The following MTA3 variants were observed in gnomAD, a reference collection of about 807,000 sequenced individuals.
MTA3 encodes metastasis-associated protein MTA3.
A neutral mutation model predicts 83.5 loss-of-function variants in MTA3; 34 were observed. The ratio of observed to expected loss-of-function variants is 0.41; its 90% CI spans 0.31 to 0.54. MTA3 has a LOEUF of 0.54. Among genes scored for constraint, MTA3 ranks in the 20% least tolerant of loss-of-function variants. The pLI is 0.33. For missense variants in MTA3, 761 were observed against 726.4 expected, an observed-to-expected ratio of 1.05 and a Z score of -0.55; for synonymous variants, 303 against 252.7, an observed-to-expected ratio of 1.20 and a Z score of -1.89.
intron 4 of MTA3, among the ~76,000 whole-genome samples, chr2:42,620,033 T>G (rs546551554): frequency 6.6e-5 from 10 of 152,290 alleles, no homozygotes; most frequent in African/African-American, 1.9e-4. Context: ...TAACATCAGA[T>G]TAACCATTAA....
intron 6 of MTA3, among the ~76,000 whole-genome samples, chr2:42,649,617 G>A (rs950770152): frequency 2.6e-5 from 4 of 152,224 alleles, no homozygotes; most frequent in Non-Finnish European, 5.9e-5. Context: ...TGTTCTCACA[G>A]ATAAGGAGAG....
chr2:42,691,218 G>T (rs1558586838), intron 9 of MTA3, among the ~76,000 whole-genome samples: 1 of 151,926 alleles, frequency 6.6e-6, no homozygotes, highest in South Asian at 2.1e-4. Context: ...CACCATGTTG[G>T]CCAGGATGGG....
chr2:42,753,037 C>G (rs894896570), intron 16 of MTA3, among the ~76,000 whole-genome samples: 1 of 152,086 alleles, frequency 6.6e-6, no homozygotes, highest in Non-Finnish European at 1.5e-5. Flanking sequence ...CAGTCCTCCC[C>G]CCTCAGCCTC....
upstream of MTA3, among the ~76,000 whole-genome samples, chr2:42,567,433 C>T (rs1027403491): frequency 1.6e-4 from 24 of 152,172 alleles, no homozygotes; most frequent in African/African-American, 5.3e-4. Context: ...ACCTTCTTTT[C>T]TGGGGGCACC....
chr2:42,576,069 A>G (rs1678999297), intron 2 of MTA3, among the ~76,000 whole-genome samples: 1 of 152,204 alleles, frequency 6.6e-6, no homozygotes, highest in Non-Finnish European at 1.5e-5. Context: ...TAGATAATTC[A>G]TTAAGCAAAT....
At chr2:42,644,318 A>ATATTT in intron 6 of MTA3, 74 bp downstream of exon 6, 3 of 940,910 alleles carry the variant, frequency 3.2e-6, no homozygotes, top group Non-Finnish European at 4.9e-6. Context: ...GTCCTCATGT[A>ATATTT]GAAGAGGCAA....
intron 3 of MTA3, among the ~76,000 whole-genome samples, chr2:42,594,761 C>G (rs1410705390): frequency 7.8e-4 from 29 of 37,270 alleles, no homozygotes; most frequent in African/African-American, 4.0e-3. Context: ...GAGTCTCACT[C>G]TGTTGCCCAG....
rs147029454 is a variant in MTA3 at position 42,552,249 on chromosome 2, G to A, written c.-140-18188G>A. Among the ~76,000 whole-genome samples, 165 of 152,328 alleles carry A rather than the reference G, an allele frequency of 1.1e-3. 1 individual carries two copies. Among genetic ancestry groups the A allele is most frequent in the African/African-American group, 3.8e-3 (160 of 41,586 alleles). ...ATCAGACCAGTGTGGCTGAGCAGCAGTGAGCTGGTAAAGAGATAAAGGCCA... is the reference window on the plus strand; with the variant it reads ...ATCAGACCAGTGTGGCTGAGCAGCAATGAGCTGGTAAAGAGATAAAGGCCA... On this transcript the variant is annotated intron_variant, in intron 2 of 17. Coordinates refer to the MTA3 transcript ENST00000405592.
In MTA3 at chr2:42,756,349, C is replaced by A; in HGVS notation, c.*2950C>A. ...CCTCCTCTTGGCCTCCAGAGTCCTG[C>A]AGGTGCCTCACAGTAGTGAAACCCA... On this transcript the variant is annotated 3_prime_UTR_variant, in exon 17 of 17. Transcript: ENST00000405094. The A allele has an allele frequency of 1.8e-6, 1 of 546,506 alleles. No individual in the cohort carries two copies. The highest frequency in any genetic ancestry group is 2.3e-6 in the Non-Finnish European group (1 of 428,542). 33.9% of individuals were successfully genotyped at this position (546,506 alleles called of 1,614,324 possible). A position where few individuals can be genotyped will look rare whatever the true frequency, so the allele number is the denominator to read the frequency against.
intron 4 of MTA3, among the ~76,000 whole-genome samples, chr2:42,626,410 G>T (rs931416871): frequency 6.6e-6 from 1 of 151,524 alleles, no homozygotes; most frequent in Non-Finnish European, 1.5e-5. Context: ...CGATTCTCCT[G>T]CCTCCGCCTC....
At chr2:42,525,655 C>CTTCT (rs1212325430) in intron 2 of MTA3, among the ~76,000 whole-genome samples, 17 of 94,126 alleles carry the variant, frequency 1.8e-4, no homozygotes, top group African/African-American at 5.6e-4. Flanking sequence ...TCTTTTTTTC[C>CTTCT]TTCTTTCTTT....
Position 42,695,900 on chromosome 2 carries a change from TTA to T in MTA3, c.966+62_966+63del, listed in dbSNP as rs1375078733. On this transcript the variant is annotated intron_variant, in intron 10 of 16. Transcript: ENST00000405094. ...TTTAAGTGAACTTTCTGTTTATATT[TTA>T]ATATTTTTTGGCGATGTACTACTTT... 17 of 1,169,524 alleles carry T rather than the reference TTA, an allele frequency of 1.5e-5. No homozygotes were observed. In the African/African-American group the frequency reaches 2.2e-4, roughly 15 times the overall value. The allele number at this position is 1,169,524 out of a possible 1,614,324, so 72.4% of individuals were successfully genotyped here. A position where few individuals can be genotyped will look rare whatever the true frequency, so the allele number is the denominator to read the frequency against.
rs1558430323 is a variant in MTA3 at position 42,551,072 on chromosome 2, TAAATA to T, written c.-140-19362_-140-19358del. ...CTAAATAAATAAATAAATAAATAAA[TAAATA>T]AATAAATAAATTAAAATTTATGATA... is the stretch of plus-strand genomic sequence containing the variant. On this transcript the variant is annotated intron_variant, in intron 2 of 17. Coordinates refer to the MTA3 transcript ENST00000405592. Among the ~76,000 whole-genome samples the T allele has an allele frequency of 4.4e-3, 660 of 148,808 alleles. 5 individuals are homozygous for T. Among genetic ancestry groups the T allele is most frequent in the African/African-American group, 0.016 (629 of 38,976 alleles).
At chr2:42,620,238 C>T (rs1311840143) in intron 4 of MTA3, among the ~76,000 whole-genome samples, 1 of 151,924 alleles carries the variant, frequency 6.6e-6, no homozygotes, top group Admixed American at 6.6e-5. Context: ...CCTGCCTCAG[C>T]CTCCCGAGTA....
In MTA3 at chr2:42,724,275, AAAACACACACACACAC is replaced by A. The variant is rs1458699045; in HGVS notation, c.1759+1242_1759+1257del. On this transcript the variant is annotated intron_variant, in intron 16 of 16. Transcript: ENST00000405094. ...GTAGAAGGTATAAAGTAAGTCCTGA[AAAACACACACACACAC>A]ACACACACACACACACACACACACA... 2.5e-3 allele frequency among the ~76,000 whole-genome samples: 203 copies of A among 82,228 alleles called. 2 individuals carry two copies. Among genetic ancestry groups the A allele is most frequent in the African/African-American group, 6.4e-3 (150 of 23,598 alleles). The allele number at this position is 82,228 out of a possible 152,430, so 53.9% of individuals were successfully genotyped here.
intron 3 of MTA3, among the ~76,000 whole-genome samples, chr2:42,592,988 T>TA (rs1681218837): frequency 6.7e-6 from 1 of 150,004 alleles, no homozygotes; most frequent in African/African-American, 2.5e-5. Flanking sequence ...CTGTCTCTAC[T>TA]AAAAAATAAC....
At chr2:42,568,520 A>T, upstream of MTA3, 1 of 123,758 alleles carries the variant, frequency 8.1e-6, no homozygotes, top group Non-Finnish European at 1.6e-5. Context: ...GGCCCGGCCC[A>T]CTCGGCCTTG....
At chr2:42,545,761 A>G (rs1399081376) in intron 2 of MTA3, among the ~76,000 whole-genome samples, 1 of 152,232 alleles carries the variant, frequency 6.6e-6, no homozygotes. Context: ...ACAAAAGCAG[A>G]TAGCTTACAT....
chr2:42,744,947 A>T (rs1368012288), intron 16 of MTA3, among the ~76,000 whole-genome samples: 1 of 152,198 alleles, frequency 6.6e-6, no homozygotes, highest in Non-Finnish European at 1.5e-5. Flanking sequence ...TGGAAATGGA[A>T]GAATTTGTCA....
Sources: allele counts gnomAD v4.1 joint callset (sites outside exome capture counted in the v4.1 genomes callset), GRCh38; gene constraint gnomAD v4.1.1; transcripts MANE v1.5; gene names NCBI Gene and HGNC (gene_info 2026-07-23, HGNC 2026-07-21).